KIAA0825: variants seen among roughly 807,000 people sequenced by gnomAD.
KIAA0825 encodes the protein uncharacterized protein KIAA0825.
In KIAA0825, 119 loss-of-function variants were observed where a neutral mutation model predicts 147.6. The ratio of observed to expected loss-of-function variants is 0.81; its 90% CI spans 0.69 to 0.94. The LOEUF (loss-of-function observed/expected upper bound fraction) is 0.94. Ranked by LOEUF, KIAA0825 falls within the 40% of genes least tolerant of loss-of-function variation. The probability of loss-of-function intolerance (pLI) is 0.00; values close to 1 mark genes in which losing one functional copy is unlikely to be tolerated. For missense variants in KIAA0825, 1,381 were observed against 1,472.7 expected (o/e 0.94, Z 1.02); for synonymous variants, 470 against 518.1 (o/e 0.91, Z 1.26).
At chr5:94,255,348 G>A (rs1776189395) in intron 20 of KIAA0825, among the ~76,000 whole-genome samples, 1 of 151,770 alleles carries the variant, frequency 6.6e-6, no homozygotes, top group Admixed American at 6.6e-5. Flanking sequence ...ACATACCCTA[G>A]ATACCAAGCA....
At chr5:94,286,856 G>A (rs1376071148) in intron 20 of KIAA0825, among the ~76,000 whole-genome samples, 1 of 152,106 alleles carries the variant, frequency 6.6e-6, no homozygotes, top group East Asian at 1.9e-4. Flanking sequence ...CTGGTACTCA[G>A]GGAATTTGCA....
At chr5:94,173,789 C>T (rs1269910576) in intron 20 of KIAA0825, among the ~76,000 whole-genome samples, 1 of 152,114 alleles carries the variant, frequency 6.6e-6, no homozygotes, top group Non-Finnish European at 1.5e-5. Flanking sequence ...TACAATCCAC[C>T]ACACTTAGAG....
chr5:94,220,845 A>T (rs1773611751), intron 20 of KIAA0825, among the ~76,000 whole-genome samples: 1 of 152,156 alleles, frequency 6.6e-6, no homozygotes, highest in Non-Finnish European at 1.5e-5. Flanking sequence ...GATAAAGTGC[A>T]CTACAGGTCT....
chr5:94,164,333 T>C (rs1040235171), intron 20 of KIAA0825, among the ~76,000 whole-genome samples: 12 of 151,902 alleles, frequency 7.9e-5, no homozygotes, highest in South Asian at 2.1e-4. Context: ...CAAAACAGTA[T>C]GGTATTAGCA....
chr5:94,284,705 T>C (rs1212129428), intron 20 of KIAA0825, among the ~76,000 whole-genome samples: 2 of 152,144 alleles, frequency 1.3e-5, no homozygotes, highest in Non-Finnish European at 2.9e-5. Context: ...TTCCCTTTTT[T>C]TCCTTTACCC....
chr5:94,548,315 T>C lies in KIAA0825; in HGVS notation c.-1-11188A>G, dbSNP rs1774858906. 2.0e-5 allele frequency among the ~76,000 whole-genome samples: 3 copies of C among 152,216 alleles called. No homozygotes were observed. The South Asian group carries it at 6.2e-4, about 31-fold the overall frequency. ...AGTTTTCTTTTTGCTTGCTTATTTATGCAATCAGTGTTTAGTTGTCATTAG... is the reference window on the plus strand; with the variant it reads ...AGTTTTCTTTTTGCTTGCTTATTTACGCAATCAGTGTTTAGTTGTCATTAG... On this transcript the variant is annotated intron_variant, in intron 2 of 20. Transcript: ENST00000682413.
chr5:94,241,580 T>G (rs1020933411), intron 20 of KIAA0825, among the ~76,000 whole-genome samples: 2 of 152,210 alleles, frequency 1.3e-5, no homozygotes, highest in Non-Finnish European at 2.9e-5. Context: ...ATGAACAGAT[T>G]ACTTTAGAAT....
intron 20 of KIAA0825, among the ~76,000 whole-genome samples, chr5:94,231,916 T>C (rs1386203582): frequency 1.3e-5 from 2 of 152,160 alleles, no homozygotes; most frequent in Non-Finnish European, 2.9e-5. Context: ...ATAACTAACA[T>C]GTTGGGAACT....
chr5:94,372,625 G>A (rs566875186), intron 20 of KIAA0825, among the ~76,000 whole-genome samples: 3 of 152,190 alleles, frequency 2.0e-5, no homozygotes, highest in African/African-American at 7.2e-5. Flanking sequence ...AGAGGAGGGG[G>A]GCCCTGGGCC....
intron 20 of KIAA0825, among the ~76,000 whole-genome samples, chr5:94,330,273 A>G (rs1265118149): frequency 6.6e-6 from 1 of 152,222 alleles, no homozygotes; most frequent in Non-Finnish European, 1.5e-5. Flanking sequence ...CAGTGATAGC[A>G]GAAAACATTC....
At chr5:94,546,634 A>G (rs1035178917) in intron 2 of KIAA0825, among the ~76,000 whole-genome samples, 41 of 152,024 alleles carry the variant, frequency 2.7e-4, no homozygotes, top group Admixed American at 2.3e-3. Flanking sequence ...AAGATTACCA[A>G]GGTGGTACCT....
At chr5:94,182,664 T>C (rs1769773569) in intron 20 of KIAA0825, among the ~76,000 whole-genome samples, 1 of 152,172 alleles carries the variant, frequency 6.6e-6, no homozygotes, top group Non-Finnish European at 1.5e-5. Context: ...ACTTTTATGA[T>C]AATTTTTTTC....
chr5:94,248,825 A>G (rs960726719), intron 20 of KIAA0825, among the ~76,000 whole-genome samples: 1 of 152,142 alleles, frequency 6.6e-6, no homozygotes, highest in African/African-American at 2.4e-5. Flanking sequence ...GGGATTACAA[A>G]GATGCTTCTA....
At chr5:94,467,957 T>C (rs1359905021) in intron 10 of KIAA0825, among the ~76,000 whole-genome samples, 1 of 152,232 alleles carries the variant, frequency 6.6e-6, no homozygotes, top group Non-Finnish European at 1.5e-5. Flanking sequence ...TAGAAGGTTC[T>C]TATTTTTGAT....
At chr5:94,315,930 A>G (rs2150224675) in intron 20 of KIAA0825, among the ~76,000 whole-genome samples, 1 of 151,862 alleles carries the variant, frequency 6.6e-6, no homozygotes, top group Middle Eastern at 3.4e-3. Flanking sequence ...ACTTTTTGAT[A>G]TTAACTGGCA....
intron 20 of KIAA0825, among the ~76,000 whole-genome samples, chr5:94,236,847 A>C (rs1045363028): frequency 6.6e-6 from 1 of 152,192 alleles, no homozygotes; most frequent in Admixed American, 6.5e-5. Flanking sequence ...GCAATGAATT[A>C]TTTTTAAATT....
intron 2 of KIAA0825, among the ~76,000 whole-genome samples, chr5:94,548,809 C>T (rs1027485551): frequency 6.6e-6 from 1 of 151,982 alleles, no homozygotes; most frequent in African/African-American, 2.4e-5. Flanking sequence ...GATTTCAAGA[C>T]AAAAACTGTA....
chr5:94,200,763 A>G (rs1771586327), intron 20 of KIAA0825, among the ~76,000 whole-genome samples: 1 of 151,710 alleles, frequency 6.6e-6, no homozygotes, highest in Non-Finnish European at 1.5e-5. Flanking sequence ...CCAATTCACA[A>G]AGAAAGACAA....
chr5:94,447,957 T>A (rs747280977), intron 13 of KIAA0825, among the ~76,000 whole-genome samples: 3 of 152,020 alleles, frequency 2.0e-5, no homozygotes, highest in Non-Finnish European at 2.9e-5. Flanking sequence ...CAGTGTACAG[T>A]TATGACCTAC....
Sources: allele counts gnomAD v4.1 joint callset (sites outside exome capture counted in the v4.1 genomes callset), GRCh38; gene constraint gnomAD v4.1.1; transcripts MANE v1.5; gene names NCBI Gene and HGNC (gene_info 2026-07-23, HGNC 2026-07-21).